The following EPC1 variants were observed in gnomAD, a reference collection of about 807,000 sequenced individuals.
EPC1 encodes enhancer of polycomb 1, also known as enhancer of polycomb homolog 1.
Under a neutral mutation model 98.4 loss-of-function variants are expected in EPC1, and 12 were observed. The ratio of observed to expected loss-of-function variants is 0.12; its 90% confidence interval spans 0.08 to 0.20. The LOEUF (loss-of-function observed/expected upper bound fraction) is 0.20, where lower values mean the gene tolerates loss of function less well. Among genes scored for constraint, EPC1 ranks in the 10% least tolerant of loss-of-function variants. EPC1 has a pLI of 1.00. For missense variants in EPC1, 729 were observed against 990.5 expected, an observed-to-expected ratio of 0.74 and a Z score of 3.54; for synonymous variants, 357 against 363.9, an observed-to-expected ratio of 0.98 and a Z score of 0.21.
At chr10:32,343,399 C>T (rs1046758346) in intron 1 of EPC1, among the ~76,000 whole-genome samples, 4 of 152,080 alleles carry the variant, frequency 2.6e-5, no homozygotes, top group African/African-American at 4.8e-5. Flanking sequence ...TTAGTAGAGA[C>T]AGGGTTTCAC....
In EPC1 at chr10:32,271,523, C is replaced by T. The variant is rs192530239; in HGVS notation, c.2369+31G>A. ...GAGGACTGAAGTTAGATCTCTTATT[C>T]CAGGTATGTTAGGCAAAAATAACTA... is the stretch of plus-strand genomic sequence containing the variant. On this transcript the variant is annotated intron_variant, in intron 13 of 13. Transcript: ENST00000319778. The T allele has an allele frequency of 2.4e-3, 3,762 of 1,598,104 alleles. 2 individuals are homozygous for T. The highest frequency in any genetic ancestry group is 2.8e-3 in the Non-Finnish European group (3,237 of 1,169,846).
chr10:32,356,434 G>A (rs1206109823), intron 1 of EPC1, among the ~76,000 whole-genome samples: 1 of 151,988 alleles, frequency 6.6e-6, no homozygotes, highest in Admixed American at 6.6e-5. Flanking sequence ...TGAGAGAGGA[G>A]CATAGAGAAT....
intron 5 of EPC1, chr10:32,291,609 A>G (rs1226630605): frequency 5.5e-6 from 1 of 180,508 alleles, no homozygotes; most frequent in African/African-American, 2.4e-5. Context: ...CATATAAAAT[A>G]TATAATTTTT....
At chr10:32,276,580 G>T (rs1836111721) in intron 10 of EPC1, among the ~76,000 whole-genome samples, 1 of 152,188 alleles carries the variant, frequency 6.6e-6, no homozygotes, top group African/African-American at 2.4e-5. Flanking sequence ...GTCCTCTTCA[G>T]CTATGAGATG....
chr10:32,304,967 A>C (rs1034924033), intron 2 of EPC1, among the ~76,000 whole-genome samples: 4 of 151,940 alleles, frequency 2.6e-5, no homozygotes, highest in Admixed American at 1.3e-4. Context: ...CCTCTTGATC[A>C]TAAAGATTAA....
chr10:32,361,302 C>T (rs188985895), intron 1 of EPC1, among the ~76,000 whole-genome samples: 166 of 152,282 alleles, frequency 1.1e-3, no homozygotes, highest in African/African-American at 3.7e-3. Flanking sequence ...TCCTCTGTAA[C>T]GCCTATGTGC....
upstream of EPC1, among the ~76,000 whole-genome samples, chr10:32,349,761 T>C (rs1294170764): frequency 1.3e-5 from 2 of 152,080 alleles, no homozygotes; most frequent in Admixed American, 6.5e-5. Context: ...CACCATACCC[T>C]GCTAATTTCT....
At chr10:32,341,327 GTGTC>G (rs1463393477) in intron 1 of EPC1, among the ~76,000 whole-genome samples, 13 of 100,022 alleles carry the variant, frequency 1.3e-4, no homozygotes, top group South Asian at 3.2e-4. Flanking sequence ...CTGTGTGTGT[GTGTC>G]TGTGTGTGTG....
intron 1 of EPC1, among the ~76,000 whole-genome samples, chr10:32,356,283 G>T (rs1252510737): frequency 6.6e-6 from 1 of 152,088 alleles, no homozygotes; most frequent in African/African-American, 2.4e-5. Context: ...TCTTCTCCAT[G>T]ACACCTTGAG....
chr10:32,324,469 GC>G (rs1837141141), intron 1 of EPC1, among the ~76,000 whole-genome samples: 1 of 150,902 alleles, frequency 6.6e-6, no homozygotes, highest in Non-Finnish European at 1.5e-5. Flanking sequence ...ATGCCAGGCT[GC>G]AGTGAGCCGA....
Position 32,301,081 on chromosome 10 carries a change from T to G in EPC1, c.313+4691A>C, listed in dbSNP as rs996663082. Among the ~76,000 whole-genome samples, 439 of 151,458 alleles carry G rather than the reference T, an allele frequency of 2.9e-3. 1 individual carries two copies. The highest frequency in any genetic ancestry group is 9.9e-3 in the African/African-American group (410 of 41,288). ...ATCTATCTATCTATCTATCTATCTA[T>G]CTATCTATCTGCCTGCCTACCTACC... On this transcript the variant is annotated intron_variant, in intron 2 of 13. Transcript: ENST00000319778.
chr10:32,344,538 C>T (rs1838620869), intron 1 of EPC1, among the ~76,000 whole-genome samples: 1 of 152,122 alleles, frequency 6.6e-6, no homozygotes, highest in Non-Finnish European at 1.5e-5. Context: ...GTAATCCCAG[C>T]ACTTTGGGAG....
chr10:32,289,712 C>T (rs1380183938), intron 6 of EPC1, among the ~76,000 whole-genome samples: 4 of 151,742 alleles, frequency 2.6e-5, no homozygotes, highest in Admixed American at 2.0e-4. Flanking sequence ...CAAGCTCTGC[C>T]TCCCAGGTTC....
intron 1 of EPC1, among the ~76,000 whole-genome samples, chr10:32,341,051 A>T (rs934141214): frequency 1.3e-5 from 2 of 152,028 alleles, no homozygotes; most frequent in African/African-American, 4.8e-5. Flanking sequence ...GACACGCTCA[A>T]TTCTTTTTAT....
At chr10:32,308,353 G>T (rs1835996214) in intron 1 of EPC1, among the ~76,000 whole-genome samples, 1 of 150,888 alleles carries the variant, frequency 6.6e-6, no homozygotes, top group Non-Finnish European at 1.5e-5. Flanking sequence ...CTGCACCGCT[G>T]CACTCCAGCC....
chr10:32,308,402 C>T (rs1393393536), intron 1 of EPC1, among the ~76,000 whole-genome samples: 1 of 147,564 alleles, frequency 6.8e-6, no homozygotes, highest in Non-Finnish European at 1.5e-5. Context: ...AAAAAGCATA[C>T]ACCAATGTCT....
At chr10:32,296,231 G>A (rs776582871) in intron 2 of EPC1, among the ~76,000 whole-genome samples, 44 of 151,992 alleles carry the variant, frequency 2.9e-4, no homozygotes, top group Admixed American at 5.2e-4. Flanking sequence ...CACCGCGCCC[G>A]GCCAATGTTC....
chr10:32,377,576 T>C (rs1487339590), intron 1 of EPC1: 10 of 152,220 alleles, frequency 6.6e-5, no homozygotes, highest in Admixed American at 4.6e-4. Flanking sequence ...GCTCTCACCA[T>C]AGTTCACAGT....
Position 32,293,618 on chromosome 10 carries a change from G to C in EPC1, c.433C>G (p.Arg145Gly), listed in dbSNP as rs762337711. The C allele has an allele frequency of 6.2e-7, 1 of 1,613,056 alleles. No homozygotes were observed. Among genetic ancestry groups the C allele is most frequent in the Non-Finnish European group, 8.5e-7 (1 of 1,179,648 alleles). The change falls in exon 3 of 14, where the codon CGC becomes GGC. Residue 145 changes from arginine (R) to glycine (G), a missense_variant. This residue lies in a region of EPC1 where 94 missense variants were observed against 125.1 expected (regional missense o/e 0.75). Transcript: ENST00000319778. ...TGCTGACCACTGCCTTTTTCTAGGC[G>C]GTCAATCATCTCCTCAAATTGCAAT... is the stretch of plus-strand genomic sequence containing the variant. ...CPLQFEEMID[R>G]LEKGSGQQPV...
Sources: allele counts gnomAD v4.1 joint callset (sites outside exome capture counted in the v4.1 genomes callset), GRCh38; gene constraint gnomAD v4.1.1; regional missense constraint gnomAD v4.1.1; transcripts MANE v1.5; gene names NCBI Gene and HGNC (gene_info 2026-07-23, HGNC 2026-07-21).